The following TAF4B variants were observed in gnomAD, a reference collection of about 807,000 sequenced individuals.
The protein encoded by TAF4B is transcription initiation factor TFIID subunit 4B.
In TAF4B, 38 loss-of-function variants were observed where a neutral mutation model predicts 86.4. The ratio of observed to expected loss-of-function variants is 0.44; its 90% CI spans 0.34 to 0.58. The LOEUF is 0.58. Among genes scored for constraint, TAF4B ranks in the 20% least tolerant of loss-of-function variants. The pLI is 0.02. For synonymous variants in TAF4B, 388 were observed against 391.2 expected (o/e 0.99, Z 0.10); for missense variants, 988 against 1,027.6 (o/e 0.96, Z 0.53).
chr18:26,266,244 C>T (rs1179459846), intron 2 of TAF4B: 2 of 152,314 alleles, frequency 1.3e-5, no homozygotes, highest in Non-Finnish European at 2.9e-5. Context: ...TCCTGAGTAG[C>T]TGGGATTACA....
intron 5 of TAF4B, 67 bp from the exon 6 acceptor site, chr18:26,281,904 T>TTA (rs1372813348): frequency 2.5e-6 from 3 of 1,207,064 alleles, no homozygotes; most frequent in Non-Finnish European, 3.6e-6. Context: ...CAATCATGAA[T>TTA]TATATACTTT....
chr18:26,304,296 A>G (rs1168107451), intron 9 of TAF4B, among the ~76,000 whole-genome samples: 1 of 152,084 alleles, frequency 6.6e-6, no homozygotes, highest in Non-Finnish European at 1.5e-5. Context: ...GGAAACAGTA[A>G]TACATTTGGA....
At chr18:26,361,808 G>T (rs1184111480) in intron 14 of TAF4B, among the ~76,000 whole-genome samples, 5 of 150,476 alleles carry the variant, frequency 3.3e-5, no homozygotes, top group Non-Finnish European at 7.4e-5. Flanking sequence ...CTTTCTGCTA[G>T]AAACAACTCT....
chr18:26,318,702 T>C lies in TAF4B; in HGVS notation c.2003-2368T>C, dbSNP rs567626855. On this transcript the variant is annotated intron_variant, in intron 10 of 14. Coordinates refer to ENST00000269142, the MANE Select transcript of TAF4B (RefSeq NM_005640.3). ...AGGGTGTTTTGTTTTAAAATGGGAA[T>C]TTTTCTACAGTATTTTACTTTGTAA... Among the ~76,000 whole-genome samples the C allele has an allele frequency of 2.9e-3, 448 of 152,318 alleles. 4 individuals are homozygous for C. The highest frequency in any genetic ancestry group is 0.01 in the African/African-American group (432 of 41,564).
chr18:26,375,747 A>T (rs1301311726), intron 14 of TAF4B, among the ~76,000 whole-genome samples: 4 of 152,106 alleles, frequency 2.6e-5, no homozygotes, highest in African/African-American at 9.7e-5. Flanking sequence ...TTCTTTGGTT[A>T]CTTGTATTTA....
chr18:26,298,225 A>T lies in TAF4B; in HGVS notation c.1832+4694A>T, dbSNP rs147430668. 3.6e-3 allele frequency among the ~76,000 whole-genome samples: 551 copies of T among 151,630 alleles called. 4 individuals carry two copies. The highest frequency in any genetic ancestry group is 0.014 in the Middle Eastern group (4 of 292). On this transcript the variant is annotated intron_variant, in intron 9 of 14. Coordinates refer to ENST00000269142, the MANE Select transcript of TAF4B (RefSeq NM_005640.3). ...CTGTTTTTGTTGTAATTAATTAATTAATTTATTTATTTTGAGACAGAGTCT... is the reference window on the plus strand; with the variant it reads ...CTGTTTTTGTTGTAATTAATTAATTTATTTATTTATTTTGAGACAGAGTCT...
intron 9 of TAF4B, among the ~76,000 whole-genome samples, chr18:26,300,827 G>A (rs1457838260): frequency 7.3e-5 from 11 of 151,448 alleles, no homozygotes; most frequent in Admixed American, 5.3e-4. Context: ...CATCACTTAC[G>A]TAGAGTGGGT....
chr18:26,346,789 A>ATATGTGTGTG (rs2057188831), intron 13 of TAF4B, among the ~76,000 whole-genome samples: 1 of 34,158 alleles, frequency 2.9e-5, no homozygotes, highest in Admixed American at 2.4e-4. Context: ...GTGTATATAT[A>ATATGTGTGTG]TATATATATG....
chr18:26,286,980 C>T (rs755514233), intron 7 of TAF4B, among the ~76,000 whole-genome samples: 8 of 152,256 alleles, frequency 5.3e-5, no homozygotes, highest in East Asian at 1.9e-4. Flanking sequence ...TGAGCCACCA[C>T]GCCCAGCAGC....
At chr18:26,316,311 C>G (rs1012663819) in intron 10 of TAF4B, among the ~76,000 whole-genome samples, 1 of 152,074 alleles carries the variant, frequency 6.6e-6, no homozygotes, top group Non-Finnish European at 1.5e-5. Context: ...GTTTTTAGGT[C>G]TACTTCACAG....
intron 14 of TAF4B, among the ~76,000 whole-genome samples, chr18:26,383,677 T>G (rs1469212998): frequency 6.6e-6 from 1 of 152,200 alleles, no homozygotes; most frequent in African/African-American, 2.4e-5. Flanking sequence ...GAGCTAGAAT[T>G]GTAACTTGAA....
At chr18:26,285,729 C>T (rs2056511961) in intron 6 of TAF4B, among the ~76,000 whole-genome samples, 153 bp from the exon 7 acceptor site, 1 of 152,082 alleles carries the variant, frequency 6.6e-6, no homozygotes, top group South Asian at 2.1e-4. Flanking sequence ...TGGATATTGG[C>T]AGGATATAAG....
intron 14 of TAF4B, among the ~76,000 whole-genome samples, chr18:26,372,127 A>G (rs558187408): frequency 2.1e-4 from 32 of 152,322 alleles, no homozygotes; most frequent in African/African-American, 7.0e-4. Context: ...GGAATGAATA[A>G]ACTCAGCGAC....
chr18:26,325,169 AG>A (rs1215305674), intron 11 of TAF4B, among the ~76,000 whole-genome samples: 1 of 152,238 alleles, frequency 6.6e-6, no homozygotes, highest in African/African-American at 2.4e-5. Context: ...TCTGGCTACC[AG>A]GTGTTTTCCC....
intron 1 of TAF4B, among the ~76,000 whole-genome samples, chr18:26,261,885 G>A (rs62085367): frequency 0.025 from 3,750 of 152,248 alleles, 71 homozygotes; most frequent in South Asian, 0.059. Flanking sequence ...TCTGTTTAAC[G>A]TAAAGACATT....
intron 13 of TAF4B, among the ~76,000 whole-genome samples, chr18:26,354,191 C>G (rs1455816392): frequency 1.3e-5 from 2 of 152,200 alleles, no homozygotes; most frequent in Non-Finnish European, 2.9e-5. Flanking sequence ...TCTCCTGCCT[C>G]AGCCTCCCAA....
At chr18:26,338,641 G>T (rs2057112608) in intron 13 of TAF4B, among the ~76,000 whole-genome samples, 1 of 151,706 alleles carries the variant, frequency 6.6e-6, no homozygotes, top group Non-Finnish European at 1.5e-5. Context: ...ACCATGCCTG[G>T]CTAATTTTGT....
chr18:26,375,722 C>A (rs1197513710), intron 14 of TAF4B, among the ~76,000 whole-genome samples: 1 of 152,060 alleles, frequency 6.6e-6, no homozygotes, highest in African/African-American at 2.4e-5. Context: ...GAAATAAGTT[C>A]AATTTATCAA....
At chr18:26,289,995 G>A (rs999855370) in intron 7 of TAF4B, among the ~76,000 whole-genome samples, 12 of 152,164 alleles carry the variant, frequency 7.9e-5, no homozygotes, top group Non-Finnish European at 1.5e-5. Context: ...AAAATAGTAT[G>A]AAGACTAACT....
Sources: allele counts gnomAD v4.1 joint callset (sites outside exome capture counted in the v4.1 genomes callset), GRCh38; gene constraint gnomAD v4.1.1; transcripts MANE v1.5; gene names NCBI Gene and HGNC (gene_info 2026-07-23, HGNC 2026-07-21).